RAPGEF1: variants seen among roughly 807,000 people sequenced by gnomAD.
The protein encoded by RAPGEF1 is CRK SH3-binding GNRP.
In RAPGEF1, 33 loss-of-function variants were observed where a neutral mutation model predicts 143.3. That is an observed-to-expected ratio of 0.23 (90% CI 0.17 to 0.31). The LOEUF (loss-of-function observed/expected upper bound fraction) is 0.31, where lower values mean the gene tolerates loss of function less well. Ranked by LOEUF, RAPGEF1 falls within the 10% of genes least tolerant of loss-of-function variation. RAPGEF1 has a pLI of 1.00. For missense variants in RAPGEF1, 1,199 were observed against 1,645.4 expected (o/e 0.73, Z 4.69); for synonymous variants, 629 against 676.5 (o/e 0.93, Z 1.09).
Position 131,628,524 on chromosome 9 carries a change from A to C in RAPGEF1, c.1017+25T>G. On this transcript the variant is annotated intron_variant, in intron 8 of 26. Coordinates refer to ENST00000683357, the MANE Select transcript of RAPGEF1 (RefSeq NM_001377935.1). The surrounding 1 kb of genome is among the most constrained non-coding windows in gnomAD (Gnocchi z 5.7). ...CCCCCCACCCCCTCCCTGCCTTCCC[A>C]TGCAGGGAACAGGGGCTGCATTACC... The C allele has an allele frequency of 6.2e-7, 1 of 1,605,410 alleles. No homozygotes were observed. The highest frequency in any genetic ancestry group is 8.5e-7 in the Non-Finnish European group (1 of 1,173,266).
At chr9:131,608,636 T>G (rs1957499632) in intron 12 of RAPGEF1, among the ~76,000 whole-genome samples, 1 of 152,200 alleles carries the variant, frequency 6.6e-6, no homozygotes, top group African/African-American at 2.4e-5. Context: ...GAGCTCACGT[T>G]CTGGTATTCA....
At chr9:131,698,819 A>C (rs1162219578) in intron 1 of RAPGEF1, among the ~76,000 whole-genome samples, 2 of 152,162 alleles carry the variant, frequency 1.3e-5, no homozygotes, top group Non-Finnish European at 2.9e-5. Flanking sequence ...GATTGTAGAC[A>C]CTTGAGGAAC....
intron 5 of RAPGEF1, among the ~76,000 whole-genome samples, chr9:131,635,089 C>G (rs1966014923): frequency 6.6e-6 from 1 of 152,138 alleles, no homozygotes; most frequent in Non-Finnish European, 1.5e-5. Flanking sequence ...GATGATAAGA[C>G]TACCTGGAAA....
intron 3 of RAPGEF1, among the ~76,000 whole-genome samples, chr9:131,649,232 T>G (rs1970481447): frequency 6.7e-6 from 1 of 148,486 alleles, no homozygotes; most frequent in Admixed American, 6.7e-5. Flanking sequence ...TTTTTGTATT[T>G]TTAGTAGAGA....
chr9:131,637,712 C>T (rs1273276888), intron 5 of RAPGEF1, among the ~76,000 whole-genome samples: 1 of 152,136 alleles, frequency 6.6e-6, no homozygotes, highest in Non-Finnish European at 1.5e-5. Flanking sequence ...CTGACTGCTC[C>T]GTATGTGCCA....
chr9:131,625,261 T>G (rs1962604254), intron 10 of RAPGEF1, among the ~76,000 whole-genome samples: 1 of 152,096 alleles, frequency 6.6e-6, no homozygotes, highest in Admixed American at 6.5e-5. Context: ...GTCCCAGAAG[T>G]GTGGAGCAGT....
intron 1 of RAPGEF1, among the ~76,000 whole-genome samples, chr9:131,686,008 C>T (rs955225165): frequency 8.5e-5 from 13 of 152,140 alleles, no homozygotes; most frequent in African/African-American, 3.1e-4. Flanking sequence ...TTCCTTCATG[C>T]GTTCTGGGGT....
At chr9:131,731,927 T>G (rs1564213551) in intron 1 of RAPGEF1, among the ~76,000 whole-genome samples, 1 of 152,184 alleles carries the variant, frequency 6.6e-6, no homozygotes. Flanking sequence ...AGGGTGGGAC[T>G]TGGGTTCAGA....
chr9:131,696,781 G>A (rs531083933), intron 1 of RAPGEF1, among the ~76,000 whole-genome samples: 2 of 152,188 alleles, frequency 1.3e-5, no homozygotes, highest in Non-Finnish European at 1.5e-5. Context: ...CTACAAAGAC[G>A]CATCTTGAAA....
Position 131,629,372 on chromosome 9 carries a change from A to G in RAPGEF1, c.741-118T>C, listed in dbSNP as rs935929001. 13 of 1,034,628 alleles carry G rather than the reference A, an allele frequency of 1.3e-5. No homozygotes were observed. In the African/African-American group the frequency reaches 1.9e-4, roughly 15 times the overall value. The allele number at this position is 1,034,628 out of a possible 1,614,324, so 64.1% of individuals were successfully genotyped here. A position where few individuals can be genotyped will look rare whatever the true frequency, so the allele number is the denominator to read the frequency against. On this transcript the variant is annotated intron_variant, in intron 6 of 26. Transcript: ENST00000683357. ...AACACAGTGGGTGAGGTGGGGCTGAAGAGCAGGCTCCCTGGATATAGAACC... is the reference window on the plus strand; with the variant it reads ...AACACAGTGGGTGAGGTGGGGCTGAGGAGCAGGCTCCCTGGATATAGAACC...
At chr9:131,598,148 G>T in intron 16 of RAPGEF1, 51 bp downstream of exon 16, 1 of 1,474,270 alleles carries the variant, frequency 6.8e-7, no homozygotes, top group Non-Finnish European at 9.5e-7. Flanking sequence ...TGCCCCACCT[G>T]CTCTCCTCTG....
intron 1 of RAPGEF1, among the ~76,000 whole-genome samples, chr9:131,707,642 T>C (rs1835174231): frequency 6.6e-6 from 1 of 152,186 alleles, no homozygotes; most frequent in South Asian, 2.1e-4. Flanking sequence ...GGTTTTATCA[T>C]GTTGGCCAGG....
intron 1 of RAPGEF1, among the ~76,000 whole-genome samples, chr9:131,656,963 C>T (rs889753531): frequency 2.0e-5 from 3 of 152,240 alleles, no homozygotes; most frequent in African/African-American, 7.2e-5. Flanking sequence ...AGCCATAAAT[C>T]AGGCAGAGAG....
chr9:131,674,487 C>T (rs1447323952), intron 1 of RAPGEF1, among the ~76,000 whole-genome samples: 4 of 152,042 alleles, frequency 2.6e-5, no homozygotes, highest in Non-Finnish European at 4.4e-5. Flanking sequence ...TTCCCCAAGG[C>T]GTGAGAAGCC....
At chr9:131,714,980 G>A (rs981211650) in intron 1 of RAPGEF1, among the ~76,000 whole-genome samples, 2 of 152,092 alleles carry the variant, frequency 1.3e-5, no homozygotes, top group South Asian at 4.2e-4. Flanking sequence ...CAAAGTGCTG[G>A]AATTATAGGC....
chr9:131,673,005 C>T (rs1831660833), intron 1 of RAPGEF1, among the ~76,000 whole-genome samples: 11 of 152,216 alleles, frequency 7.2e-5, no homozygotes, highest in Admixed American at 7.2e-4. Flanking sequence ...CTGAGCCCTG[C>T]TCTTCCTTCT....
At chr9:131,608,946 T>C (rs1358974857) in intron 12 of RAPGEF1, among the ~76,000 whole-genome samples, 1 of 152,210 alleles carries the variant, frequency 6.6e-6, no homozygotes. Flanking sequence ...GAGTTTATTT[T>C]AGGATCTGGC....
rs141463918 is a variant in RAPGEF1 at position 131,630,206 on chromosome 9, C to A, written c.740+30G>T. On this transcript the variant is annotated intron_variant, in intron 6 of 26. Transcript: ENST00000683357. ...GCAGACTTTGCCACTGAGCGTGACA[C>A]CCGCGACACGAGGGTTAGTCAGCAC... The A allele has an allele frequency of 2.5e-6, 4 of 1,607,376 alleles. No homozygotes were observed. In the African/African-American group the frequency reaches 4.0e-5, roughly 16 times the overall value.
intron 1 of RAPGEF1, among the ~76,000 whole-genome samples, chr9:131,678,306 C>T (rs1332925365): frequency 6.6e-6 from 1 of 152,170 alleles, no homozygotes; most frequent in Non-Finnish European, 1.5e-5. Flanking sequence ...ATAAACTCAA[C>T]AGAAGAGGGA....
Sources: gnomAD v4.1 joint callset for allele counts (sites outside exome capture counted in the v4.1 genomes callset) on GRCh38, gnomAD v4.1.1 for gene constraint, Gnocchi (gnomAD v3.1) non-coding constraint, MANE v1.5 for transcripts, NCBI Gene and HGNC (gene_info 2026-07-23, HGNC 2026-07-21) for gene names.